Variants in NUP133 observed in about 807,000 individuals in gnomAD.
The protein encoded by NUP133 is nucleoporin 133.
NUP133 carries 66 observed loss-of-function variants against 146.2 expected under a neutral mutation model. That is an observed-to-expected ratio of 0.45 (90% CI 0.37 to 0.55). The LOEUF is 0.55. Ranked by LOEUF, NUP133 falls within the 20% of genes least tolerant of loss-of-function variation. The probability of loss-of-function intolerance (pLI) is 0.00; values close to 1 mark genes in which losing one functional copy is unlikely to be tolerated. For synonymous variants in NUP133, 521 were observed against 498.8 expected (o/e 1.04, Z -0.59); for missense variants, 1,277 against 1,374.8 (o/e 0.93, Z 1.12).
intron 8 of NUP133, 90 bp from the exon 9 acceptor site, chr1:229,490,192 A>T: frequency 8.5e-7 from 1 of 1,174,344 alleles, no homozygotes; most frequent in Non-Finnish European, 1.1e-6. Flanking sequence ...CATATAACTT[A>T]GCAATCCCAT....
intron 21 of NUP133, among the ~76,000 whole-genome samples, chr1:229,456,852 G>A (rs1660580258): frequency 6.9e-6 from 1 of 144,236 alleles, no homozygotes; most frequent in South Asian, 2.2e-4. Flanking sequence ...TTCTGAGGCA[G>A]AGTTTTGCTC....
At chr1:229,492,644 C>T (rs1661556196) in intron 8 of NUP133, among the ~76,000 whole-genome samples, 1 of 151,850 alleles carries the variant, frequency 6.6e-6, no homozygotes, top group Non-Finnish European at 1.5e-5. Flanking sequence ...CCACGTTATT[C>T]TAAGTGAAGT....
Position 229,487,536 on chromosome 1 carries a change from A to G in NUP133, c.1272T>C (p.Ala424=), listed in dbSNP as rs775500936. Residue 424 remains alanine (A), a synonymous_variant, in exon 10 of 26, where the codon GCT becomes GCC. Coordinates refer to ENST00000261396, the MANE Select transcript of NUP133 (RefSeq NM_018230.3). ...CAGTTCCTGTGGAGCACACATAGAC[A>G]GCACTTTCGTTATACAGATAGGCAG... ...NQTAYLYNES[A]VYVCSTGTGK... 1.9e-6 allele frequency: 3 copies of G among 1,613,650 alleles called. No individual in the cohort carries two copies. In the African/African-American group the frequency reaches 4.0e-5, roughly 22 times the overall value.
rs58520087 is a variant in NUP133, at chr1:229,502,558, CAAAAAA to C, written c.302-462_302-457del. On this transcript the variant is annotated intron_variant, in intron 2 of 25. Transcript: ENST00000261396. ...TGGGCAACAGAGCCAGACTCCATCT[CAAAAAA>C]AAAAAAAAAAAAAAAAGAAAGAAAA... Among the ~76,000 whole-genome samples, 4 of 43,118 alleles carry C rather than the reference CAAAAAA, an allele frequency of 9.3e-5. 1 individual carries two copies. The highest frequency in any genetic ancestry group is 3.8e-4 in the African/African-American group (4 of 10,516). The allele number at this position is 43,118 out of a possible 152,430, so 28.3% of individuals were successfully genotyped here.
At chr1:229,505,564 T>TAAAAAAAAAAAAAAAAAAAAAAAAA (rs56383157) in intron 2 of NUP133, among the ~76,000 whole-genome samples, 1 of 63,220 alleles carries the variant, frequency 1.6e-5, no homozygotes. Context: ...CAATTACAGT[T>TAAAAAAAAAAAAAAAAAAAAAAAAA]AAAAAAAAAA....
chr1:229,442,010 A>C lies in NUP133; in HGVS notation c.3365T>G (p.Val1122Gly). Reference protein sequence around the residue: ...GIQLSEYLPEVKDLLQADQLG... With the variant: ...GIQLSEYLPEGKDLLQADQLG... ...CTGATCCGCTTGTAGCAGGTCTTTC[A>C]CCTCCGGTAAGTACTCACTGAGCTG... Residue 1122 changes from valine (V) to glycine (G), a missense_variant, in exon 26 of 26, where the codon GTG becomes GGG. Val to Gly is a moderately radical substitution (Grantham distance 109). Coordinates refer to ENST00000261396, the MANE Select transcript of NUP133 (RefSeq NM_018230.3). 1 of 1,581,348 alleles carries C rather than the reference A, an allele frequency of 6.3e-7. No individual in the cohort carries two copies.
intron 6 of NUP133, 82 bp downstream of exon 6, chr1:229,498,054 G>T: frequency 1.0e-6 from 1 of 986,354 alleles, no homozygotes; most frequent in African/African-American, 1.7e-5. Context: ...CCATATGGAG[G>T]AATACTAAAT....
In NUP133 at chr1:229,463,563, T is replaced by G; in HGVS notation, c.2665A>C (p.Met889Leu). Reference sequence around the variant, plus strand: ...ATCACCTGATCAGCAAACTGGGTCATGTAGCGCTGGAGTCGGCTCTGGTTG... The same window carrying G: ...ATCACCTGATCAGCAAACTGGGTCAGGTAGCGCTGGAGTCGGCTCTGGTTG... ...TDNQSRLQRY[M>L]TQFADQNFSD... Residue 889 changes from methionine to leucine, a missense_variant, in exon 19 of 26, where the codon ATG becomes CTG. Met to Leu is a conservative substitution (Grantham distance 15, BLOSUM62 2). Coordinates refer to ENST00000261396, the MANE Select transcript of NUP133 (RefSeq NM_018230.3). 6.2e-7 allele frequency: 1 copy of G among 1,613,994 alleles called. No homozygotes were observed. The highest frequency in any genetic ancestry group is 8.5e-7 in the Non-Finnish European group (1 of 1,179,980).
chr1:229,460,315 C>A (rs534083), intron 20 of NUP133, among the ~76,000 whole-genome samples: 13,767 of 152,204 alleles, frequency 0.09, 713 homozygotes, highest in Middle Eastern at 0.17. Context: ...CCTGCCTCAG[C>A]CTCTCAAGTA....
intron 8 of NUP133, among the ~76,000 whole-genome samples, chr1:229,491,463 T>G (rs1425978308): frequency 2.0e-5 from 3 of 152,180 alleles, no homozygotes; most frequent in Non-Finnish European, 2.9e-5. Context: ...TAGGCAACAC[T>G]GTGAGACCAT....
At chr1:229,474,324 A>C (rs906999486) in intron 14 of NUP133, among the ~76,000 whole-genome samples, 4 of 152,238 alleles carry the variant, frequency 2.6e-5, no homozygotes, top group Admixed American at 6.5e-5. Flanking sequence ...TGGCAGTAAT[A>C]GTTAACTGAT....
chr1:229,442,148 A>C (rs1190806459), intron 25 of NUP133, 108 bp from the exon 26 acceptor site: 6 of 1,092,912 alleles, frequency 5.5e-6, no homozygotes, highest in Non-Finnish European at 6.6e-6. Flanking sequence ...ATATAACGTC[A>C]CTTTGCTGTT....
chr1:229,507,985 G>T, intron 1 of NUP133, 83 bp downstream of exon 1: 1 of 1,333,492 alleles, frequency 7.5e-7, no homozygotes, highest in Middle Eastern at 3.0e-4. Flanking sequence ...CGGTTCCAAA[G>T]GCTTCTAAAG....
At chr1:229,464,141 T>C (rs1196161033) in intron 18 of NUP133, among the ~76,000 whole-genome samples, 3 of 151,806 alleles carry the variant, frequency 2.0e-5, no homozygotes, top group Admixed American at 6.6e-5. Context: ...TGACGCTCTG[T>C]CTCAACAAAA....
chr1:229,505,564 T>TAAAAAAA (rs56383157), intron 2 of NUP133, among the ~76,000 whole-genome samples: 7 of 63,236 alleles, frequency 1.1e-4, no homozygotes, highest in East Asian at 5.1e-4. Context: ...CAATTACAGT[T>TAAAAAAA]AAAAAAAAAA....
intron 4 of NUP133, 63 bp downstream of exon 4, chr1:229,500,693 C>G (rs1661774171): frequency 2.2e-6 from 2 of 924,848 alleles, no homozygotes; most frequent in Non-Finnish European, 3.3e-6. Flanking sequence ...GAGGATGATT[C>G]CTCTAACTTT....
intron 25 of NUP133, 49 bp from the exon 26 acceptor site, chr1:229,442,089 CA>C (rs1466243461): frequency 1.3e-6 from 2 of 1,513,398 alleles, no homozygotes; most frequent in African/African-American, 2.9e-5. Flanking sequence ...ATAAAATGCT[CA>C]AATGAATTCT....
rs1018925683 is a variant in NUP133 at position 229,441,326 on chromosome 1, T to C, written c.*578A>G. ...TTCATTAGTGCTCATTTATTATTTA[T>C]GTAGAAAAGTTTAAAATGCTCCCAA... On this transcript the variant is annotated 3_prime_UTR_variant, in exon 26 of 26. Transcript: ENST00000261396. 2 of 467,820 alleles carry C rather than the reference T, an allele frequency of 4.3e-6. No homozygotes were observed. The highest frequency in any genetic ancestry group is 8.8e-6 in the Non-Finnish European group (2 of 227,580). The allele number at this position is 467,820 out of a possible 1,614,324, so 29.0% of individuals were successfully genotyped here. A position where few individuals can be genotyped will look rare whatever the true frequency, so the allele number is the denominator to read the frequency against.
At chr1:229,466,235 T>C (rs1033995028) in intron 16 of NUP133, among the ~76,000 whole-genome samples, 5 of 151,934 alleles carry the variant, frequency 3.3e-5, no homozygotes, top group African/African-American at 9.7e-5. Context: ...CTCTTGGAGG[T>C]TGAGGCAGGA....
Sources: gnomAD v4.1 joint callset for allele counts (sites outside exome capture counted in the v4.1 genomes callset) on GRCh38, gnomAD v4.1.1 for gene constraint, MANE v1.5 for transcripts, NCBI Gene and HGNC (gene_info 2026-07-23, HGNC 2026-07-21) for gene names.